Variants in LHFPL3 observed in about 807,000 individuals in gnomAD.
The protein encoded by LHFPL3 is LHFPL tetraspan subfamily member 3.
Under a neutral mutation model 19.3 loss-of-function variants are expected in LHFPL3, and 5 were observed. That is an observed-to-expected ratio of 0.26 (90% CI 0.14 to 0.54). The LOEUF (loss-of-function observed/expected upper bound fraction) is 0.54, where lower values mean the gene tolerates loss of function less well. Among genes scored for constraint, LHFPL3 ranks in the 20% least tolerant of loss-of-function variants. The pLI, the probability that LHFPL3 is intolerant of heterozygous loss-of-function variation, is 0.94. For synonymous variants in LHFPL3, 133 were observed against 126.2 expected, an observed-to-expected ratio of 1.05 and a Z score of -0.36; for missense variants, 249 against 307.4, an observed-to-expected ratio of 0.81 and a Z score of 1.42.
chr7:104,559,735 G>A (rs905884689), intron 1 of LHFPL3, among the ~76,000 whole-genome samples: 1 of 152,038 alleles, frequency 6.6e-6, no homozygotes, highest in African/African-American at 2.4e-5. Flanking sequence ...GGAGTGGTAA[G>A]AGAAGGCATC....
At chr7:104,795,709 T>G (rs755167646) in intron 2 of LHFPL3, among the ~76,000 whole-genome samples, 4 of 152,112 alleles carry the variant, frequency 2.6e-5, no homozygotes, top group Non-Finnish European at 5.9e-5. Context: ...TCTTAATAAT[T>G]CAGAAAAGGC....
intron 1 of LHFPL3, among the ~76,000 whole-genome samples, chr7:104,694,970 T>G (rs1465501008): frequency 1.3e-5 from 2 of 152,188 alleles, no homozygotes; most frequent in Non-Finnish European, 2.9e-5. Context: ...GATTGTGAAT[T>G]TATGTATGTT....
chr7:104,627,282 T>C lies in LHFPL3; in HGVS notation c.446-109393T>C, dbSNP rs150350687. On this transcript the variant is annotated intron_variant, in intron 1 of 2. Transcript: ENST00000424859. ...ATACAGTGTCCTCCAGGTTCATTCA[T>C]GTTGTTGCAAAAGGCAGAATTTCCT... Among the ~76,000 whole-genome samples the C allele has an allele frequency of 5.1e-3, 774 of 152,308 alleles. 20 individuals carry two copies. The highest frequency in any genetic ancestry group is 0.037 in the Admixed American group (570 of 15,288).
intron 1 of LHFPL3, among the ~76,000 whole-genome samples, chr7:104,521,525 A>G (rs200920915): frequency 6.6e-6 from 1 of 151,952 alleles, no homozygotes; most frequent in Non-Finnish European, 1.5e-5. Context: ...AACAAAAGAC[A>G]AAATTGACAA....
intron 1 of LHFPL3, among the ~76,000 whole-genome samples, chr7:104,635,753 A>G (rs2385251): frequency 0.98 from 148,477 of 152,266 alleles, 72,486 homozygotes; most frequent in East Asian, 1. Flanking sequence ...GGAAAGAGGC[A>G]AAGAGATCTT....
intron 1 of LHFPL3, among the ~76,000 whole-genome samples, chr7:104,600,680 G>A (rs1031036257): frequency 6.6e-6 from 1 of 152,210 alleles, no homozygotes; most frequent in African/African-American, 2.4e-5. Flanking sequence ...CACTGAGGTC[G>A]TGGCAAAGCC....
chr7:104,523,294 A>C (rs1315226812), intron 1 of LHFPL3, among the ~76,000 whole-genome samples: 1 of 152,074 alleles, frequency 6.6e-6, no homozygotes, highest in East Asian at 1.9e-4. Flanking sequence ...CTCATGTGAC[A>C]AATTTGTCTG....
chr7:104,882,256 T>C (rs1248493778), intron 2 of LHFPL3, among the ~76,000 whole-genome samples: 6 of 152,170 alleles, frequency 3.9e-5, no homozygotes. Context: ...TTTACTTATT[T>C]ATTTATTTAG....
intron 2 of LHFPL3, among the ~76,000 whole-genome samples, chr7:104,784,068 T>C (rs1044939520): frequency 6.6e-6 from 1 of 152,232 alleles, no homozygotes; most frequent in African/African-American, 2.4e-5. Flanking sequence ...TGTGTAAGAA[T>C]GAACTGCTTC....
chr7:104,505,467 G>T (rs552451791), intron 1 of LHFPL3, among the ~76,000 whole-genome samples: 2 of 152,294 alleles, frequency 1.3e-5, no homozygotes, highest in Admixed American at 1.3e-4. Context: ...AGTTGAATCT[G>T]GTAAAGATGA....
intron 1 of LHFPL3, among the ~76,000 whole-genome samples, chr7:104,644,102 T>C (rs1208278083): frequency 1.3e-5 from 2 of 152,250 alleles, no homozygotes; most frequent in African/African-American, 4.8e-5. Context: ...TAGCTGGTCA[T>C]TGATTTCACA....
intron 1 of LHFPL3, among the ~76,000 whole-genome samples, chr7:104,456,148 C>A (rs145592938): frequency 6.6e-6 from 1 of 152,038 alleles, no homozygotes; most frequent in Non-Finnish European, 1.5e-5. Flanking sequence ...GAAAGAATAA[C>A]GTAACTATGT....
chr7:104,737,683 CT>C (rs780754744), intron 2 of LHFPL3, among the ~76,000 whole-genome samples: 3 of 152,112 alleles, frequency 2.0e-5, no homozygotes, highest in South Asian at 2.1e-4. Context: ...TTTGGTGTCT[CT>C]GTTTTTTTAG....
chr7:104,348,512 G>A (rs959777354), intron 1 of LHFPL3, among the ~76,000 whole-genome samples: 2 of 152,180 alleles, frequency 1.3e-5, no homozygotes, highest in Admixed American at 6.5e-5. Flanking sequence ...GGCTTACCTT[G>A]ACTAGGAAAA....
intron 2 of LHFPL3, among the ~76,000 whole-genome samples, chr7:104,882,468 A>T (rs1240804766): frequency 6.6e-6 from 1 of 152,130 alleles, no homozygotes; most frequent in East Asian, 1.9e-4. Context: ...GGCTAGTCTC[A>T]AACTCCTGAC....
intron 1 of LHFPL3, among the ~76,000 whole-genome samples, chr7:104,623,294 G>C (rs551364680): frequency 1.2e-4 from 18 of 151,496 alleles, no homozygotes; most frequent in Non-Finnish European, 2.4e-4. Flanking sequence ...AAAAAAAAAA[G>C]GTAGCCATAT....
chr7:104,543,548 A>T (rs1260691139), intron 1 of LHFPL3, among the ~76,000 whole-genome samples: 2 of 151,982 alleles, frequency 1.3e-5, no homozygotes, highest in African/African-American at 2.4e-5. Flanking sequence ...GATTAAGAAA[A>T]TGTGGCACAT....
intron 1 of LHFPL3, among the ~76,000 whole-genome samples, chr7:104,466,318 G>A (rs556325606): frequency 2.0e-5 from 3 of 152,126 alleles, no homozygotes; most frequent in South Asian, 2.1e-4. Context: ...TATATGCTAC[G>A]GATACATTTG....
chr7:104,374,206 A>ATGTGTGTG (rs200857759), intron 1 of LHFPL3, among the ~76,000 whole-genome samples: 75 of 81,268 alleles, frequency 9.2e-4, no homozygotes, highest in African/African-American at 2.3e-3. Context: ...ATCTATCTAT[A>ATGTGTGTG]TATGTGTGTG....
Sources: gnomAD v4.1 joint callset for allele counts (sites outside exome capture counted in the v4.1 genomes callset) on GRCh38, gnomAD v4.1.1 for gene constraint, MANE v1.5 for transcripts, NCBI Gene and HGNC (gene_info 2026-07-23, HGNC 2026-07-21) for gene names.